The following TSC22D1 variants were observed in gnomAD, a reference collection of about 807,000 sequenced individuals.
TSC22D1 encodes TSC22 domain family protein 1.
Under a neutral mutation model 74.2 loss-of-function variants are expected in TSC22D1, and 9 were observed. That is an observed-to-expected ratio of 0.12 (90% CI 0.07 to 0.21). The LOEUF is 0.21. Ranked by LOEUF, TSC22D1 falls within the 10% of genes least tolerant of loss-of-function variation. The pLI is 1.00. For missense variants in TSC22D1, 1,427 were observed against 1,304.7 expected (o/e 1.09, Z -1.44); for synonymous variants, 586 against 492.5 (o/e 1.19, Z -2.51).
At chr13:44,507,872 T>C (rs1879509720) in intron 1 of TSC22D1, among the ~76,000 whole-genome samples, 1 of 152,162 alleles carries the variant, frequency 6.6e-6, no homozygotes, top group South Asian at 2.1e-4. Context: ...GGGGAAGATA[T>C]AAGGCACTAC....
intron 1 of TSC22D1, among the ~76,000 whole-genome samples, chr13:44,536,351 G>C (rs890140200): frequency 6.6e-6 from 1 of 151,796 alleles, no homozygotes; most frequent in Admixed American, 6.6e-5. Context: ...AAATCCTCTT[G>C]CTTCTAAGCA....
intron 1 of TSC22D1, among the ~76,000 whole-genome samples, chr13:44,438,710 C>A (rs1874937973): frequency 6.6e-6 from 1 of 151,590 alleles, no homozygotes; most frequent in African/African-American, 2.4e-5. Flanking sequence ...AAAAGATACC[C>A]ATTTCCAACA....
intron 1 of TSC22D1, chr13:44,538,606 T>C (rs1881289373): frequency 2.0e-6 from 2 of 985,290 alleles, no homozygotes; most frequent in South Asian, 9.4e-5. Flanking sequence ...GAAAGAAATA[T>C]TTTCATGGCC....
intron 1 of TSC22D1, among the ~76,000 whole-genome samples, chr13:44,522,677 A>G (rs1880371800): frequency 6.6e-6 from 1 of 152,244 alleles, no homozygotes; most frequent in African/African-American, 2.4e-5. Context: ...ATCTTTCACA[A>G]AAGTTAACTC....
Position 44,564,913 on chromosome 13 carries a change from G to A in TSC22D1, c.2912+8250C>T, listed in dbSNP as rs549085140. Reference sequence around the variant, plus strand: ...TAATGATCAAGATGTAGAGAGCAAGGAAAAGAAACTATCAAGAATGACTCT... The same window carrying A: ...TAATGATCAAGATGTAGAGAGCAAGAAAAAGAAACTATCAAGAATGACTCT... On this transcript the variant is annotated intron_variant, in intron 1 of 2. Coordinates refer to ENST00000458659, the MANE Select transcript of TSC22D1 (RefSeq NM_183422.4). Among the ~76,000 whole-genome samples the A allele has an allele frequency of 2.1e-4, 32 of 152,228 alleles. No homozygotes were observed. In the South Asian group the frequency reaches 5.2e-3, roughly 25 times the overall value.
chr13:44,463,514 G>A (rs1031706156), intron 1 of TSC22D1, among the ~76,000 whole-genome samples: 4 of 152,180 alleles, frequency 2.6e-5, no homozygotes, highest in Non-Finnish European at 5.9e-5. Context: ...TCAGAGGTGG[G>A]TCAATGCAAA....
intron 1 of TSC22D1, among the ~76,000 whole-genome samples, chr13:44,493,559 T>C (rs1462967327): frequency 6.6e-6 from 1 of 152,144 alleles, no homozygotes; most frequent in Admixed American, 6.5e-5. Context: ...ATTTAGTGCA[T>C]TGAAAAGCTG....
intron 1 of TSC22D1, among the ~76,000 whole-genome samples, chr13:44,480,497 G>C (rs1466414719): frequency 6.6e-6 from 1 of 152,198 alleles, no homozygotes; most frequent in Non-Finnish European, 1.5e-5. Flanking sequence ...ACAGATGAGA[G>C]ATGAAGGCAG....
intron 1 of TSC22D1, among the ~76,000 whole-genome samples, chr13:44,473,925 T>C (rs541541454): frequency 1.7e-4 from 26 of 152,342 alleles, no homozygotes; most frequent in African/African-American, 6.0e-4. Context: ...GTTATGCAAC[T>C]AAATGTTTAA....
intron 1 of TSC22D1, among the ~76,000 whole-genome samples, chr13:44,518,025 T>TA (rs1491586026): frequency 7.7e-6 from 1 of 130,248 alleles, no homozygotes; most frequent in Non-Finnish European, 1.7e-5. Context: ...CCCAGCTAAC[T>TA]TTTTTTTTTT....
chr13:44,451,055 G>C (rs1321222812), intron 1 of TSC22D1, among the ~76,000 whole-genome samples: 1 of 152,220 alleles, frequency 6.6e-6, no homozygotes, highest in Non-Finnish European at 1.5e-5. Flanking sequence ...GACAGAGAAA[G>C]TGATTTAACT....
intron 1 of TSC22D1, among the ~76,000 whole-genome samples, chr13:44,549,372 T>C (rs1408415296): frequency 2.6e-5 from 4 of 152,206 alleles, no homozygotes; most frequent in Non-Finnish European, 5.9e-5. Context: ...TATCTTATTA[T>C]AACTTATACA....
chr13:44,517,850 TA>T (rs1454880699), intron 1 of TSC22D1, among the ~76,000 whole-genome samples: 73 of 38,430 alleles, frequency 1.9e-3, no homozygotes, highest in Non-Finnish European at 4.5e-3. Flanking sequence ...TATATATATA[TA>T]TATATATTTT....
At chr13:44,535,254 T>C (rs2138075550) in intron 1 of TSC22D1, among the ~76,000 whole-genome samples, 1 of 152,242 alleles carries the variant, frequency 6.6e-6, no homozygotes, top group Middle Eastern at 3.4e-3. Context: ...AGAGATCCCT[T>C]TGATCATAAT....
intron 1 of TSC22D1, among the ~76,000 whole-genome samples, chr13:44,512,740 C>T (rs1045913661): frequency 7.2e-5 from 11 of 152,142 alleles, no homozygotes; most frequent in Admixed American, 1.3e-4. Flanking sequence ...ACCTCTGCCT[C>T]CCAGGTTCAA....
chr13:44,464,388 C>T (rs1245816616), intron 1 of TSC22D1, among the ~76,000 whole-genome samples: 2 of 152,152 alleles, frequency 1.3e-5, no homozygotes, highest in Non-Finnish European at 2.9e-5. Flanking sequence ...ACTCATTGAA[C>T]AAATGCCTGC....
chr13:44,525,119 G>A (rs1423777013), intron 1 of TSC22D1, among the ~76,000 whole-genome samples: 4 of 152,074 alleles, frequency 2.6e-5, no homozygotes, highest in African/African-American at 9.7e-5. Context: ...CCTAAGGGGG[G>A]TAAAAAAGCT....
intron 1 of TSC22D1, among the ~76,000 whole-genome samples, chr13:44,484,516 G>A (rs535325388): frequency 1.1e-4 from 16 of 152,150 alleles, no homozygotes; most frequent in Non-Finnish European, 1.9e-4. Context: ...GTCTGGAAGC[G>A]GAAAAATGCA....
intron 2 of TSC22D1, among the ~76,000 whole-genome samples, chr13:44,435,537 G>C (rs1233931813): frequency 6.6e-6 from 1 of 152,160 alleles, no homozygotes; most frequent in Non-Finnish European, 1.5e-5. Flanking sequence ...AAATCCAGGC[G>C]CAGGCTAAGA....
Sources: gnomAD v4.1 joint callset for allele counts (sites outside exome capture counted in the v4.1 genomes callset) on GRCh38, gnomAD v4.1.1 for gene constraint, MANE v1.5 for transcripts, NCBI Gene and HGNC (gene_info 2026-07-23, HGNC 2026-07-21) for gene names.